PCDHA8: variants seen among roughly 807,000 people sequenced by gnomAD.
PCDHA8 encodes the protein protocadherin alpha-8.
A neutral mutation model predicts 61.8 loss-of-function variants in PCDHA8; 53 were observed. The ratio of observed to expected loss-of-function variants is 0.86; its 90% CI spans 0.69 to 1.08. The LOEUF is 1.08. PCDHA8 is among the 50% of genes least tolerant of loss of function. The pLI, the probability that PCDHA8 is intolerant of heterozygous loss-of-function variation, is 0.00. For synonymous variants in PCDHA8, 618 were observed against 556.6 expected (o/e 1.11, Z -1.55); for missense variants, 1,293 against 1,245.0 (o/e 1.04, Z -0.58).
In PCDHA8 at chr5:141,012,312, C is replaced by CTGT; in HGVS notation, c.*2377_*2379dup. On this transcript the variant is annotated 3_prime_UTR_variant, in exon 4 of 4. Transcript: ENST00000531613. ...TGAATTGGTGCTATTGGTATTTCCT[C>CTGT]TGTTATTGCTAATAAATGAAAATGG... The CTGT allele has an allele frequency of 6.5e-6, 1 of 153,698 alleles. No individual in the cohort carries two copies. Among genetic ancestry groups the CTGT allele is most frequent in the Middle Eastern group, 3.2e-3 (1 of 316 alleles). 9.5% of individuals were successfully genotyped at this position (153,698 alleles called of 1,614,324 possible).
intron 3 of PCDHA8, among the ~76,000 whole-genome samples, chr5:141,004,729 T>A (rs782339918): frequency 6.6e-6 from 1 of 152,144 alleles, no homozygotes; most frequent in African/African-American, 2.4e-5. Context: ...TTAAATACAT[T>A]TCTCTCTTTT....
chr5:140,849,508 T>C, intron 1 of PCDHA8: 1 of 1,596,440 alleles, frequency 6.3e-7, no homozygotes, highest in South Asian at 1.1e-5. Context: ...ACACTTCTTG[T>C]GGAAGTTGTG....
At chr5:140,965,403 T>G (rs1241477329) in intron 1 of PCDHA8, among the ~76,000 whole-genome samples, 1 of 151,946 alleles carries the variant, frequency 6.6e-6, no homozygotes, top group Admixed American at 6.6e-5. Flanking sequence ...GTCTAAGGAG[T>G]CTTATATTTA....
chr5:140,851,530 A>G (rs2042087003), intron 1 of PCDHA8: 6 of 902,946 alleles, frequency 6.6e-6, no homozygotes, highest in Non-Finnish European at 8.1e-6. Context: ...ATGCCTGACA[A>G]TGTAGATAAT....
intron 1 of PCDHA8, among the ~76,000 whole-genome samples, chr5:140,898,608 T>G (rs1208473607): frequency 7.2e-5 from 11 of 152,362 alleles, no homozygotes; most frequent in African/African-American, 2.6e-4. Flanking sequence ...TAGTATAGTT[T>G]GAAGTCAGGT....
At chr5:140,949,005 A>G (rs1554218775) in intron 1 of PCDHA8, among the ~76,000 whole-genome samples, 1 of 151,654 alleles carries the variant, frequency 6.6e-6, no homozygotes, top group African/African-American at 2.4e-5. Context: ...ACTAATTTTT[A>G]TATGTGATGT....
At position 140,880,491 on chromosome 5, in the gene PCDHA8, A is replaced by G. The variant is rs570569134; in HGVS notation, c.2394+36776A>G. Among the ~76,000 whole-genome samples, 6 of 152,342 alleles carry G rather than the reference A, an allele frequency of 3.9e-5. No individual in the cohort carries two copies. In the South Asian group the frequency reaches 1.2e-3, roughly 32 times the overall value. On this transcript the variant is annotated intron_variant, in intron 1 of 3. Transcript: ENST00000531613. Reference sequence around the variant, plus strand: ...AGGAAAAATGACACAAGAAGAGAGCAATTGAATTTCTGTTTGGTCACATCT... The same window carrying G: ...AGGAAAAATGACACAAGAAGAGAGCGATTGAATTTCTGTTTGGTCACATCT...
intron 1 of PCDHA8, among the ~76,000 whole-genome samples, chr5:140,930,805 A>T (rs2087129378): frequency 6.6e-6 from 1 of 152,218 alleles, no homozygotes; most frequent in Non-Finnish European, 1.5e-5. Flanking sequence ...CCAGCATATA[A>T]GATATGCTTA....
intron 1 of PCDHA8, among the ~76,000 whole-genome samples, chr5:140,963,536 T>G (rs2095772178): frequency 6.6e-6 from 1 of 152,230 alleles, no homozygotes; most frequent in African/African-American, 2.4e-5. Flanking sequence ...TCCCATTTAC[T>G]TCATGATATA....
chr5:140,881,336 G>C (rs2058671987), intron 1 of PCDHA8: 1 of 984,948 alleles, frequency 1.0e-6, no homozygotes. Context: ...CCAGGACGCC[G>C]ATTCGGGCTA....
chr5:140,876,498 C>T, intron 1 of PCDHA8: 4 of 1,613,918 alleles, frequency 2.5e-6, no homozygotes, highest in Non-Finnish European at 2.5e-6. Flanking sequence ...AAGTTCTGGA[C>T]GTGAATGACA....
At chr5:140,938,468 A>T (rs1427570517) in intron 1 of PCDHA8, among the ~76,000 whole-genome samples, 1 of 152,096 alleles carries the variant, frequency 6.6e-6, no homozygotes, top group Non-Finnish European at 1.5e-5. Flanking sequence ...TTAATTTATT[A>T]TGTTTTTTAA....
At chr5:140,950,439 G>A (rs1448812695) in intron 1 of PCDHA8, among the ~76,000 whole-genome samples, 1 of 151,962 alleles carries the variant, frequency 6.6e-6, no homozygotes, top group Non-Finnish European at 1.5e-5. Context: ...TAAAAAAAAT[G>A]TTATTCTACT....
At chr5:140,870,289 C>G in intron 1 of PCDHA8, 1 of 1,614,214 alleles carries the variant, frequency 6.2e-7, no homozygotes, top group Non-Finnish European at 8.5e-7. Flanking sequence ...TCCCTTCAAG[C>G]TGGTGTCCAC....
At chr5:140,962,747 G>A (rs1385433172) in intron 1 of PCDHA8, among the ~76,000 whole-genome samples, 1 of 152,142 alleles carries the variant, frequency 6.6e-6, no homozygotes, top group Non-Finnish European at 1.5e-5. Flanking sequence ...ATGAAGATCA[G>A]GAATCCTATT....
chr5:140,841,654 C>A lies in PCDHA8; in HGVS notation c.333C>A (p.Asp111Glu), dbSNP rs1270188852. The A allele has an allele frequency of 6.2e-6, 10 of 1,613,990 alleles. No homozygotes were observed. In the East Asian group the frequency reaches 1.3e-4, roughly 22 times the overall value. The change falls in exon 1 of 4, where the codon GAC (aspartate) becomes GAA (glutamate). Residue 111 changes from aspartate to glutamate, a missense_variant. Asp to Glu is a conservative substitution (Grantham distance 45, BLOSUM62 2). Transcript: ENST00000531613. ...ECSIHLEVIVDRPLQVFHVDV... is the reference protein window; with the variant it reads ...ECSIHLEVIVERPLQVFHVDV... ...GCATCCACCTGGAGGTGATCGTGGA[C>A]AGGCCGCTGCAGGTTTTCCATGTGG...
rs561284006 is a variant in PCDHA8, at chr5:140,905,585, T to G, written c.2394+61870T>G. 2.0e-5 allele frequency among the ~76,000 whole-genome samples: 3 copies of G among 152,306 alleles called. No individual in the cohort carries two copies. The East Asian group carries it at 5.8e-4, about 29-fold the overall frequency. On this transcript the variant is annotated intron_variant, in intron 1 of 3. Coordinates refer to ENST00000531613, the MANE Select transcript of PCDHA8 (RefSeq NM_018911.3). ...AGTCATGTGAAGAATGATAATGATATTTTGCTGGGAATTGCATTGAATCTA... is the reference window on the plus strand; with the variant it reads ...AGTCATGTGAAGAATGATAATGATAGTTTGCTGGGAATTGCATTGAATCTA...
intron 1 of PCDHA8, among the ~76,000 whole-genome samples, chr5:140,949,245 A>G (rs782212374): frequency 2.4e-4 from 37 of 151,798 alleles, no homozygotes; most frequent in Non-Finnish European, 4.3e-4. Context: ...GCAACAGTCT[A>G]TCTTGATGAA....
At chr5:140,868,032 C>T (rs1456286268) in intron 1 of PCDHA8, 1 of 152,026 alleles carries the variant, frequency 6.6e-6, no homozygotes, top group Non-Finnish European at 1.5e-5. Flanking sequence ...ATGTTGGTGA[C>T]TTGGAAATAC....
Sources: allele counts gnomAD v4.1 joint callset (sites outside exome capture counted in the v4.1 genomes callset), GRCh38; gene constraint gnomAD v4.1.1; transcripts MANE v1.5; gene names NCBI Gene and HGNC (gene_info 2026-07-23, HGNC 2026-07-21).